Variants in LPA observed in about 807,000 individuals in gnomAD.
The protein encoded by LPA is apolipoprotein(a).
In LPA, 199 loss-of-function variants were observed where a neutral mutation model predicts 197.9. The observed-to-expected ratio is 1.01, with a 90% confidence interval of 0.90 to 1.13. The LOEUF is 1.13. LPA is among the 50% of genes most tolerant of loss of function. LPA has a pLI of 0.00. For missense variants in LPA, 1,853 were observed against 1,785.8 expected (o/e 1.04, Z -0.68); for synonymous variants, 715 against 639.5 (o/e 1.12, Z -1.78).
At chr6:160,599,099 T>G (rs1779186078) in intron 20 of LPA, among the ~76,000 whole-genome samples, 2 of 152,136 alleles carry the variant, frequency 1.3e-5, no homozygotes, top group South Asian at 4.2e-4. Flanking sequence ...ATCCCAGCAC[T>G]TTGGGAGGCT....
intron 38 of LPA, among the ~76,000 whole-genome samples, chr6:160,532,119 T>C (rs1037209532): frequency 4.6e-5 from 7 of 152,176 alleles, no homozygotes; most frequent in African/African-American, 1.4e-4. Context: ...CCCTTGTGAA[T>C]CCTGCATGCA....
At chr6:160,600,800 G>A in intron 19 of LPA, 117 bp downstream of exon 19, 1 of 1,206,014 alleles carries the variant, frequency 8.3e-7, no homozygotes, top group Non-Finnish European at 1.2e-6. Flanking sequence ...CCACATGGCA[G>A]ACCCAGAACC....
chr6:160,558,661 A>AC (rs1778310447), intron 28 of LPA, among the ~76,000 whole-genome samples: 1 of 152,338 alleles, frequency 6.6e-6, no homozygotes, highest in African/African-American at 2.4e-5. Flanking sequence ...CCCAAGTCAT[A>AC]AAGGGCGATG....
Position 160,586,632 on chromosome 6 carries a change from T to C in LPA, c.3948-2A>G, listed in dbSNP as rs764008333. 6.2e-6 allele frequency: 10 copies of C among 1,613,492 alleles called. No individual in the cohort carries two copies. Among genetic ancestry groups the C allele is most frequent in the Non-Finnish European group, 6.8e-6 (8 of 1,179,760 alleles). ...CTGCAGTAGTTCCTGGTCAGGCCAC[T>C]GCAAATTCCAAAACAATACAGGTCA... On this transcript the variant is annotated splice_acceptor_variant, in intron 24 of 38. Coordinates refer to ENST00000316300, the MANE Select transcript of LPA (RefSeq NM_005577.4). LOFTEE classifies it high-confidence loss of function.
intron 26 of LPA, among the ~76,000 whole-genome samples, chr6:160,582,394 T>C (rs1460209413): frequency 6.6e-6 from 1 of 152,098 alleles, no homozygotes. Context: ...TCTAAAGGTG[T>C]TATTCCATTG....
chr6:160,537,988 T>C, intron 36 of LPA, 27 bp from the exon 37 acceptor site: 1 of 1,597,674 alleles, frequency 6.3e-7, no homozygotes, highest in Non-Finnish European at 8.6e-7. Flanking sequence ...AGCAGTTATG[T>C]TTCACTGCCC....
At chr6:160,553,454 T>G (rs1292465306) in intron 30 of LPA, among the ~76,000 whole-genome samples, 1 of 152,176 alleles carries the variant, frequency 6.6e-6, no homozygotes, top group African/African-American at 2.4e-5. Context: ...TTTAAAGGGT[T>G]TTTTTGTTTA....
intron 22 of LPA, among the ~76,000 whole-genome samples, chr6:160,591,333 A>G (rs1241801592): frequency 6.6e-6 from 1 of 152,248 alleles, no homozygotes; most frequent in Non-Finnish European, 1.5e-5. Flanking sequence ...CTCCATAAGA[A>G]AACCGAGAGA....
intron 22 of LPA, among the ~76,000 whole-genome samples, chr6:160,592,818 G>A (rs1233574488): frequency 6.6e-6 from 1 of 152,062 alleles, no homozygotes; most frequent in Non-Finnish European, 1.5e-5. Context: ...CCAAATTATG[G>A]CTTTCTTTGA....
chr6:160,606,491 G>C lies in LPA; in HGVS notation c.2771C>G (p.Ala924Gly), dbSNP rs1562341897. ...AGGCTCCTTACCTTGTTCAGAAGGA[G>C]CCTCTAGGCTTGGAATCGGGGTAAT... ...PTITPIPSLEAPSEQAPTEQR... is the reference protein window; with the variant it reads ...PTITPIPSLEGPSEQAPTEQR... The change falls in exon 17 of 39, where the codon GCT (alanine) becomes GGT (glycine). Residue 924 changes from alanine (A) to glycine (G), a missense_variant. By Grantham distance (60) the Ala-to-Gly change is moderately conservative (BLOSUM62 0). Transcript: ENST00000316300. The C allele has an allele frequency of 1.9e-6, 3 of 1,613,502 alleles. No individual in the cohort carries two copies. The highest frequency in any genetic ancestry group is 2.5e-6 in the Non-Finnish European group (3 of 1,179,854).
chr6:160,559,949 T>A (rs11970415), intron 28 of LPA, among the ~76,000 whole-genome samples: 1,733 of 152,186 alleles, frequency 0.011, 38 homozygotes, highest in African/African-American at 0.04. Flanking sequence ...TAGCCTCAAC[T>A]CCCCAACAGG....
intron 26 of LPA, among the ~76,000 whole-genome samples, chr6:160,580,464 C>T (rs1218237925): frequency 6.6e-6 from 1 of 152,034 alleles, no homozygotes; most frequent in East Asian, 1.9e-4. Flanking sequence ...GCATATTTAT[C>T]GAACTTTATA....
At chr6:160,572,141 C>G (rs956790248) in intron 28 of LPA, among the ~76,000 whole-genome samples, 5 of 152,304 alleles carry the variant, frequency 3.3e-5, no homozygotes, top group Admixed American at 1.3e-4. Context: ...GTTCCCTGAC[C>G]CCTTCCACTT....
intron 1 of LPA, among the ~76,000 whole-genome samples, chr6:160,657,987 G>A (rs181077007): frequency 6.6e-6 from 1 of 152,264 alleles, no homozygotes; most frequent in East Asian, 1.9e-4. Flanking sequence ...AGCATTCAGG[G>A]GCATTAGGGG....
rs545712498 is a variant in LPA at position 160,578,508 on chromosome 6, C to G, written c.4471+15G>C. ...TTCATCCCAGTATATAGATGTCTAA[C>G]CACAAATTTCTTACCTTGTTCAGAA... On this transcript the variant is annotated intron_variant, in intron 27 of 38. Coordinates refer to ENST00000316300, the MANE Select transcript of LPA (RefSeq NM_005577.4). The G allele has an allele frequency of 3.4e-5, 55 of 1,613,590 alleles. No homozygotes were observed. Among genetic ancestry groups the G allele is most frequent in the Non-Finnish European group, 4.6e-5 (54 of 1,179,682 alleles).
At chr6:160,543,833 A>G (rs1159329721) in intron 33 of LPA, among the ~76,000 whole-genome samples, 1 of 152,272 alleles carries the variant, frequency 6.6e-6, no homozygotes, top group Non-Finnish European at 1.5e-5. Context: ...TTCTCCAACC[A>G]GAGGCTCTAA....
intron 16 of LPA, among the ~76,000 whole-genome samples, chr6:160,606,894 T>C (rs1366861156): frequency 6.6e-6 from 1 of 152,200 alleles, no homozygotes; most frequent in African/African-American, 2.4e-5. Context: ...AAACGCTTCT[T>C]AGAAACACTG....
At chr6:160,649,037 G>A (rs563621185) in intron 2 of LPA, among the ~76,000 whole-genome samples, 12 of 152,290 alleles carry the variant, frequency 7.9e-5, no homozygotes, top group African/African-American at 2.9e-4. Context: ...CTCTAAAGAT[G>A]GTTGAGTTTT....
chr6:160,657,050 C>T (rs765519440), intron 1 of LPA, among the ~76,000 whole-genome samples: 3 of 152,138 alleles, frequency 2.0e-5, no homozygotes, highest in Non-Finnish European at 4.4e-5. Flanking sequence ...ACACTTGGCC[C>T]CTGCCACCTC....
Sources: allele counts gnomAD v4.1 joint callset (sites outside exome capture counted in the v4.1 genomes callset), GRCh38; gene constraint gnomAD v4.1.1; transcripts MANE v1.5; gene names NCBI Gene and HGNC (gene_info 2026-07-23, HGNC 2026-07-21).